Variants in DST observed in about 807,000 individuals in gnomAD.
DST encodes dystonin.
DST carries 253 observed loss-of-function variants against 875.2 expected under a neutral mutation model. The observed-to-expected ratio is 0.29, with a 90% CI of 0.26 to 0.32. The LOEUF (loss-of-function observed/expected upper bound fraction) is 0.32. Ranked by LOEUF, DST falls within the 10% of genes least tolerant of loss-of-function variation. The probability of loss-of-function intolerance (pLI) is 1.00; values close to 1 mark genes in which losing one functional copy is unlikely to be tolerated. For synonymous variants in DST, 3,124 were observed against 3,197.1 expected, an observed-to-expected ratio of 0.98 and a Z score of 0.77; for missense variants, 8,287 against 9,111.6, an observed-to-expected ratio of 0.91 and a Z score of 3.68.
intron 13 of DST, among the ~76,000 whole-genome samples, chr6:56,647,336 AG>A (rs2152791555): frequency 6.6e-6 from 1 of 152,326 alleles, no homozygotes; most frequent in East Asian, 1.9e-4. Flanking sequence ...TCACACAAAC[AG>A]CTTGAGAACA....
At chr6:56,937,059 A>G (rs72881063) in intron 2 of DST, among the ~76,000 whole-genome samples, 1 of 152,266 alleles carries the variant, frequency 6.6e-6, no homozygotes, top group Non-Finnish European at 1.5e-5. Flanking sequence ...GTAAGAACCA[A>G]AACTAAATTG....
chr6:56,759,763 C>G (rs2099613012), intron 4 of DST, among the ~76,000 whole-genome samples: 1 of 152,070 alleles, frequency 6.6e-6, no homozygotes, highest in African/African-American at 2.4e-5. Flanking sequence ...GTTCCAGAGG[C>G]GCGTGTGAAT....
At chr6:56,570,656 T>G (rs2097766029) in intron 53 of DST, among the ~76,000 whole-genome samples, 1 of 152,112 alleles carries the variant, frequency 6.6e-6, no homozygotes, top group African/African-American at 2.4e-5. Flanking sequence ...CATAGACCAG[T>G]AGATACCTCA....
chr6:56,800,709 A>G (rs2099745608), intron 4 of DST, among the ~76,000 whole-genome samples: 2 of 152,094 alleles, frequency 1.3e-5, no homozygotes, highest in African/African-American at 4.8e-5. Flanking sequence ...AAAAAATAAA[A>G]ACAAAAAAAA....
intron 79 of DST, 73 bp downstream of exon 79, chr6:56,501,447 C>A: frequency 8.0e-7 from 1 of 1,249,368 alleles, no homozygotes; most frequent in Non-Finnish European, 1.1e-6. Context: ...CTAATTTTAT[C>A]TTTAATAATT....
intron 9 of DST, among the ~76,000 whole-genome samples, chr6:56,673,492 G>A (rs537102059): frequency 6.6e-6 from 1 of 152,260 alleles, no homozygotes; most frequent in Admixed American, 6.5e-5. Context: ...GTTAACTAGG[G>A]AAGTCAGTAA....
Position 56,609,131 on chromosome 6 carries a change from A to C in DST, c.5497T>G (p.Cys1833Gly). 1 of 1,613,878 alleles carries C rather than the reference A, an allele frequency of 6.2e-7. No individual in the cohort carries two copies. Among genetic ancestry groups the C allele is most frequent in the Non-Finnish European group, 8.5e-7 (1 of 1,179,796 alleles). ...GCTTTACTTAGTTCTTTGAGTTGGC[A>C]CAGAATTTGTTCATCAATAAGGCCA... ...SHGLIDEQIL[C>G]QLKELSKAKE... Residue 1833 changes from cysteine to glycine, a missense_variant, in exon 40 of 104, where the codon TGC becomes GGC. Cys to Gly is a radical substitution (Grantham distance 159, BLOSUM62 -3). Transcript: ENST00000680361.
Position 56,812,665 on chromosome 6 carries a change from AAC to A in DST, c.625+38730_625+38731del, listed in dbSNP as rs2099761825. On this transcript the variant is annotated intron_variant, in intron 4 of 103. Transcript: ENST00000680361. Reference sequence around the variant, plus strand: ...ATTCTGCCATAAAACACTGGAATAAAACAGTCTTGAATATCAAACCTCACAAT... The same window carrying A: ...ATTCTGCCATAAAACACTGGAATAAAAGTCTTGAATATCAAACCTCACAAT... Among the ~76,000 whole-genome samples, 4 of 152,260 alleles carry A rather than the reference AAC, an allele frequency of 2.6e-5. 1 individual carries two copies. The highest frequency in any genetic ancestry group is 7.2e-5 in the African/African-American group (3 of 41,470).
Position 56,606,094 on chromosome 6 carries a change from T to C in DST, c.8534A>G (p.Asn2845Ser), listed in dbSNP as rs73746922. 6 of 1,612,968 alleles carry C rather than the reference T, an allele frequency of 3.7e-6. No individual in the cohort carries two copies. The African/African-American group carries it at 6.7e-5, about 18-fold the overall frequency. Reference sequence around the variant, plus strand: ...ATTTTCATTTTCATCACTGTTTTCATTTAAAATAGAGGCACACAACTGGAT... The same window carrying C: ...ATTTTCATTTTCATCACTGTTTTCACTTAAAATAGAGGCACACAACTGGAT... Reference protein sequence around the residue: ...MDIQLCASILNENSDENENIN... With the variant: ...MDIQLCASILSENSDENENIN... Residue 2845 changes from asparagine (N) to serine (S), a missense_variant, in exon 40 of 104, where the codon AAT (asparagine) becomes AGT (serine). This residue lies in a region of DST where 3,138 missense variants were observed against 3,116.6 expected (regional missense o/e 1.01). Coordinates refer to ENST00000680361, the MANE Select transcript of DST (RefSeq NM_001374736.1).
In DST at chr6:56,598,577, C is replaced by G. The variant is rs1426212939; in HGVS notation, c.11827G>C (p.Glu3943Gln). The G allele has an allele frequency of 6.2e-7, 1 of 1,612,472 alleles. No homozygotes were observed. The highest frequency in any genetic ancestry group is 8.5e-7 in the Non-Finnish European group (1 of 1,179,020). The change falls in exon 46 of 104, where the codon GAA (glutamate) becomes CAA (glutamine). Residue 3943 changes from glutamate to glutamine, a missense_variant. Glu to Gln is a conservative substitution (Grantham distance 29, BLOSUM62 2). Transcript: ENST00000680361. ...AGCTGTTCACACTTTATCTTAGCTT[C>G]ATTAAGTTTCTGTTCAATCAAAGCC... ...DKALIEQKLNEAKIKCEQLNL... is the reference protein window; with the variant it reads ...DKALIEQKLNQAKIKCEQLNL...
intron 4 of DST, among the ~76,000 whole-genome samples, chr6:56,770,752 A>G (rs181318656): frequency 6.6e-6 from 1 of 152,234 alleles, no homozygotes; most frequent in Admixed American, 6.5e-5. Flanking sequence ...TGTAATCCCA[A>G]CACTTTGGGA....
intron 3 of DST, among the ~76,000 whole-genome samples, chr6:56,867,087 C>G (rs771029985): frequency 1.1e-4 from 17 of 152,188 alleles, no homozygotes; most frequent in Non-Finnish European, 2.1e-4. Context: ...TGGGATTGCT[C>G]TCAGCAAGCT....
chr6:56,497,705 T>C (rs2095967671), intron 81 of DST, 151 bp downstream of exon 81: 1 of 949,676 alleles, frequency 1.1e-6, no homozygotes, highest in Non-Finnish European at 1.5e-6. Context: ...AGCTGTGTTC[T>C]CTTCTGCTGT....
intron 4 of DST, among the ~76,000 whole-genome samples, chr6:56,824,681 G>T (rs373235892): frequency 2.0e-5 from 3 of 151,122 alleles, no homozygotes; most frequent in South Asian, 2.1e-4. Flanking sequence ...GGTGAGGAGC[G>T]TCTGTGCCCA....
At chr6:56,656,029 G>C (rs2099006395) in intron 10 of DST, among the ~76,000 whole-genome samples, 1 of 152,224 alleles carries the variant, frequency 6.6e-6, no homozygotes, top group African/African-American at 2.4e-5. Context: ...CATGAGCTAT[G>C]GGGACTGGGA....
intron 3 of DST, among the ~76,000 whole-genome samples, chr6:56,878,705 C>T (rs1780640086): frequency 6.6e-6 from 1 of 152,160 alleles, no homozygotes; most frequent in Non-Finnish European, 1.5e-5. Context: ...GTCCCCTAAT[C>T]CCCTCTCTCC....
At chr6:56,885,779 T>C (rs567667699) in intron 3 of DST, among the ~76,000 whole-genome samples, 2 of 152,174 alleles carry the variant, frequency 1.3e-5, no homozygotes, top group Non-Finnish European at 2.9e-5. Flanking sequence ...TCTTGAACTT[T>C]CTAGGTTCCA....
At chr6:56,930,960 G>A (rs1421106574) in intron 2 of DST, among the ~76,000 whole-genome samples, 1 of 152,170 alleles carries the variant, frequency 6.6e-6, no homozygotes, top group African/African-American at 2.4e-5. Flanking sequence ...TATATACACA[G>A]TCAGAAATTT....
intron 61 of DST, among the ~76,000 whole-genome samples, chr6:56,538,021 C>T (rs934550462): frequency 6.6e-6 from 1 of 152,136 alleles, no homozygotes; most frequent in African/African-American, 2.4e-5. Context: ...CTCACTCTGT[C>T]ACCCATGCTG....
Sources: allele counts gnomAD v4.1 joint callset (sites outside exome capture counted in the v4.1 genomes callset), GRCh38; gene constraint gnomAD v4.1.1; regional missense constraint gnomAD v4.1.1; transcripts MANE v1.5; gene names NCBI Gene and HGNC (gene_info 2026-07-23, HGNC 2026-07-21).